LUZP1: variants seen among roughly 807,000 people sequenced by gnomAD.
LUZP1 encodes leucine zipper protein 1, also known as filamin mechanobinding actin cross-linking protein.
In LUZP1, 25 loss-of-function variants were observed where a neutral mutation model predicts 71.3. That is an observed-to-expected ratio of 0.35 (90% CI 0.26 to 0.49). The LOEUF is 0.49. Ranked by LOEUF, LUZP1 falls within the 20% of genes least tolerant of loss-of-function variation. The pLI is 0.99. For synonymous variants in LUZP1, 481 were observed against 506.4 expected (o/e 0.95, Z 0.67); for missense variants, 1,142 against 1,300.8 (o/e 0.88, Z 1.88).
exon 5 of LUZP1, chr1:23,084,380 T>G (rs1346734210): frequency 6.6e-6 from 1 of 152,136 alleles, no homozygotes; most frequent in Non-Finnish European, 1.5e-5. Flanking sequence ...AACTCCAGTT[T>G]CTGCTTCCAT....
At chr1:23,127,950 G>A (rs1644185304) in intron 2 of LUZP1, among the ~76,000 whole-genome samples, 1 of 152,088 alleles carries the variant, frequency 6.6e-6, no homozygotes, top group Admixed American at 6.5e-5. Flanking sequence ...GACCAACATG[G>A]TGAAACCCTG....
intron 2 of LUZP1, among the ~76,000 whole-genome samples, chr1:23,126,677 A>G (rs1644174304): frequency 6.6e-6 from 1 of 152,208 alleles, no homozygotes; most frequent in Non-Finnish European, 1.5e-5. Flanking sequence ...AAACAAAATA[A>G]GTTCTTAGTC....
intron 2 of LUZP1, chr1:23,162,741 G>A (rs1644478440): frequency 6.6e-6 from 1 of 152,186 alleles, no homozygotes; most frequent in South Asian, 2.1e-4. Context: ...AAATTGGAAT[G>A]GTACAGGGAA....
chr1:23,137,510 A>G (rs9426802), intron 2 of LUZP1, among the ~76,000 whole-genome samples: 49,450 of 151,914 alleles, frequency 0.33, 8,440 homozygotes, highest in East Asian at 0.45. Context: ...GTGTGGTGGT[A>G]GGCACCTGTA....
chr1:23,125,329 G>A (rs1159947377), intron 2 of LUZP1, among the ~76,000 whole-genome samples: 10 of 152,080 alleles, frequency 6.6e-5, no homozygotes, highest in African/African-American at 2.4e-4. Context: ...ATCTGCAGAT[G>A]GTTTAAATTT....
chr1:23,174,861 T>C (rs643492), intron 1 of LUZP1, among the ~76,000 whole-genome samples: 56,968 of 151,924 alleles, frequency 0.37, 11,074 homozygotes, highest in African/African-American at 0.48. Flanking sequence ...ATCCCCAAAA[T>C]GGCATGATTT....
At chr1:23,118,518 T>C (rs1171519342) in intron 2 of LUZP1, among the ~76,000 whole-genome samples, 2 of 152,226 alleles carry the variant, frequency 1.3e-5, no homozygotes, top group Admixed American at 1.3e-4. Flanking sequence ...TTTCCTCATT[T>C]GTAACACAGA....
chr1:23,088,918 T>C (rs1221355165), exon 5 of LUZP1: 3 of 1,614,032 alleles, frequency 1.9e-6, no homozygotes, highest in Non-Finnish European at 2.5e-6. Context: ...GCACAGGGCC[T>C]GGTTGGCCGT....
exon 5 of LUZP1, chr1:23,088,869 G>A (rs917776753): frequency 2.5e-6 from 4 of 1,609,510 alleles, no homozygotes; most frequent in Non-Finnish European, 2.5e-6. Flanking sequence ...CAGGAGCAGA[G>A]GGCAGACAAC....
chr1:23,130,234 T>C (rs1332629933), intron 2 of LUZP1, among the ~76,000 whole-genome samples: 1 of 152,224 alleles, frequency 6.6e-6, no homozygotes, highest in Non-Finnish European at 1.5e-5. Context: ...ATTTTTTAAC[T>C]CTACCTTTGT....
intron 2 of LUZP1, among the ~76,000 whole-genome samples, chr1:23,116,876 TAGA>T (rs1244230945): frequency 1.3e-5 from 2 of 152,192 alleles, no homozygotes; most frequent in East Asian, 1.9e-4. Flanking sequence ...AGCATCAATC[TAGA>T]AGTTTTTTGT....
intron 2 of LUZP1, among the ~76,000 whole-genome samples, chr1:23,135,466 G>C (rs74623943): frequency 0.017 from 2,521 of 152,280 alleles, 73 homozygotes; most frequent in South Asian, 0.11. Flanking sequence ...TTTTCCAAGA[G>C]AATTGTATTT....
chr1:23,091,901 T>C, exon 4 of LUZP1: 1 of 1,614,258 alleles, frequency 6.2e-7, no homozygotes, highest in Non-Finnish European at 8.5e-7. Flanking sequence ...TGTTTGGCCC[T>C]GGTTTGGAGA....
intron 2 of LUZP1, chr1:23,109,696 T>C (rs952885330): frequency 1.3e-5 from 2 of 152,208 alleles, no homozygotes; most frequent in African/African-American, 4.8e-5. Context: ...ATAAGGTGTA[T>C]AGGAAACATA....
chr1:23,128,032 G>T (rs1168591437), intron 2 of LUZP1, among the ~76,000 whole-genome samples: 1 of 152,094 alleles, frequency 6.6e-6, no homozygotes, highest in Non-Finnish European at 1.5e-5. Context: ...TCGGGAGGCT[G>T]AGGCAGGAGA....
intron 2 of LUZP1, among the ~76,000 whole-genome samples, chr1:23,146,149 G>A (rs1296541349): frequency 6.6e-6 from 1 of 152,036 alleles, no homozygotes; most frequent in Non-Finnish European, 1.5e-5. Context: ...TGCTGCCTCA[G>A]CTTCTCGAGT....
exon 4 of LUZP1, chr1:23,092,868 T>C: frequency 6.2e-7 from 1 of 1,613,908 alleles, no homozygotes; most frequent in Non-Finnish European, 8.5e-7. Flanking sequence ...CCTAGACTTC[T>C]TCCCTTCGCT....
rs1437334559 is a variant in LUZP1 at position 23,103,918 on chromosome 1, GGA to G, written c.-120+5102_-120+5103del. ...AGGGAGGGAGGGGGGAAGGAGGGAG[GGA>G]GGGGGGGAAGGAGGGAGGGAGTGAA... On this transcript the variant is annotated intron_variant, in intron 3 of 4. Transcript: ENST00000302291. 9.0e-3 allele frequency among the ~76,000 whole-genome samples: 637 copies of G among 70,776 alleles called. 15 individuals carry two copies. The highest frequency in any genetic ancestry group is 0.021 in the Middle Eastern group (3 of 144). 46.4% of individuals were successfully genotyped at this position (70,776 alleles called of 152,430 possible). A position where few individuals can be genotyped will look rare whatever the true frequency, so the allele number is the denominator to read the frequency against.
At chr1:23,134,519 C>A (rs1171677289) in intron 2 of LUZP1, among the ~76,000 whole-genome samples, 2 of 152,030 alleles carry the variant, frequency 1.3e-5, no homozygotes, top group Admixed American at 6.6e-5. Context: ...TGACTTACCC[C>A]TGAAATCCCA....
Sources: allele counts gnomAD v4.1 joint callset (sites outside exome capture counted in the v4.1 genomes callset), GRCh38; gene constraint gnomAD v4.1.1; transcripts MANE v1.5; gene names NCBI Gene and HGNC (gene_info 2026-07-23, HGNC 2026-07-21).